Variants in ZNF723 observed in about 807,000 individuals in gnomAD.
ZNF723 encodes zinc finger protein 723, pseudogene.
A neutral mutation model predicts 9.4 loss-of-function variants in ZNF723; 5 were observed. The ratio of observed to expected loss-of-function variants is 0.53; its 90% CI spans 0.28 to 1.12. The LOEUF is 1.12. Ranked by LOEUF, ZNF723 falls within the 50% of genes most tolerant of loss-of-function variation. The pLI, the probability that ZNF723 is intolerant of heterozygous loss-of-function variation, is 0.10. For missense variants in ZNF723, 450 were observed against 501.5 expected (o/e 0.90, Z 0.98); for synonymous variants, 158 against 168.8 (o/e 0.94, Z 0.49).
chr19:22,839,878 A>AT (rs796318984), intron 1 of ZNF723, among the ~76,000 whole-genome samples: 1 of 151,732 alleles, frequency 6.6e-6, no homozygotes, highest in Admixed American at 6.6e-5. Flanking sequence ...AATGATGAGT[A>AT]TTTTTTTTCA....
chr19:22,850,394 C>T (rs1290520590), intron 3 of ZNF723, among the ~76,000 whole-genome samples: 1 of 147,936 alleles, frequency 6.8e-6, no homozygotes, highest in Admixed American at 6.8e-5. Context: ...TTTAGTAGAG[C>T]CGGGGTTTCA....
At chr19:22,819,681 T>C in the ZNF723 span, among the ~76,000 whole-genome samples, 1 of 152,240 alleles carries the variant, frequency 6.6e-6, no homozygotes, top group South Asian at 2.1e-4. Context: ...ACATATCTCT[T>C]GGCCTCTGAC....
intron 3 of ZNF723, among the ~76,000 whole-genome samples, chr19:22,853,902 T>C (rs1967432655): frequency 6.6e-6 from 1 of 152,008 alleles, no homozygotes; most frequent in South Asian, 2.1e-4. Context: ...GCTTGAGTCA[T>C]CACAACCGGC....
chr19:22,820,508 C>A, the ZNF723 span, among the ~76,000 whole-genome samples: 54 of 152,280 alleles, frequency 3.5e-4, 1 homozygote, highest in South Asian at 0.011. Context: ...TGTGACTCTC[C>A]TGCTTCCTTC....
At chr19:22,828,381 G>T (rs919750275), upstream of ZNF723, among the ~76,000 whole-genome samples, 20 of 152,308 alleles carry the variant, frequency 1.3e-4, 1 homozygote, top group African/African-American at 4.1e-4. Context: ...TTGGCGGGGG[G>T]TGGTGGCTCA....
intron 1 of ZNF723, among the ~76,000 whole-genome samples, chr19:22,845,889 C>CCTTTTTTTTTTTT (rs1967301363): frequency 8.0e-6 from 1 of 124,392 alleles, no homozygotes; most frequent in Non-Finnish European, 1.6e-5. Context: ...AAAAATATGC[C>CCTTTTTTTTTTTT]TTTTTTTTTT....
At chr19:22,831,093 G>GC (rs1488650178), upstream of ZNF723, among the ~76,000 whole-genome samples, 1 of 152,054 alleles carries the variant, frequency 6.6e-6, no homozygotes, top group Non-Finnish European at 1.5e-5. Context: ...CTATATCCAT[G>GC]CCCATTGCCA....
the ZNF723 span, among the ~76,000 whole-genome samples, chr19:22,820,440 TC>T: frequency 6.6e-6 from 1 of 152,106 alleles, no homozygotes; most frequent in South Asian, 2.1e-4. Flanking sequence ...TGACTCTTCT[TC>T]CGGGTCCCTT....
chr19:22,833,646 G>A (rs946564617), intron 1 of ZNF723, among the ~76,000 whole-genome samples: 2 of 151,144 alleles, frequency 1.3e-5, no homozygotes, highest in Non-Finnish European at 2.9e-5. Flanking sequence ...GTCTCACTCT[G>A]TTGCCCAGGC....
At chr19:22,847,871 C>T (rs561540376) in intron 1 of ZNF723, among the ~76,000 whole-genome samples, 11 of 152,098 alleles carry the variant, frequency 7.2e-5, no homozygotes, top group African/African-American at 1.4e-4. Context: ...GAGGCCAAGG[C>T]GGATGCATCA....
At chr19:22,818,479 G>A in the ZNF723 span, among the ~76,000 whole-genome samples, 1 of 152,122 alleles carries the variant, frequency 6.6e-6, no homozygotes, top group Non-Finnish European at 1.5e-5. Context: ...CTTCACCAAG[G>A]GGACACAGTT....
At chr19:22,851,194 T>C (rs1300862944) in intron 3 of ZNF723, among the ~76,000 whole-genome samples, 2 of 151,904 alleles carry the variant, frequency 1.3e-5, no homozygotes, top group Non-Finnish European at 2.9e-5. Flanking sequence ...TTTTTTGAGA[T>C]GGAGTCTTGC....
chr19:22,830,734 T>G (rs182344236), upstream of ZNF723, among the ~76,000 whole-genome samples: 1 of 152,106 alleles, frequency 6.6e-6, no homozygotes, highest in Admixed American at 6.6e-5. Flanking sequence ...CAGAATAATA[T>G]TGATTGTAAA....
At chr19:22,855,164 A>G (rs1967457887) in intron 3 of ZNF723, among the ~76,000 whole-genome samples, 1 of 151,734 alleles carries the variant, frequency 6.6e-6, no homozygotes, top group Non-Finnish European at 1.5e-5. Context: ...AGGAAATTTC[A>G]TTTTTATGTA....
the ZNF723 span, among the ~76,000 whole-genome samples, chr19:22,820,713 A>G: frequency 6.6e-6 from 1 of 152,224 alleles, no homozygotes; most frequent in Non-Finnish European, 1.5e-5. Flanking sequence ...GGTATAAAGC[A>G]GTTTGATGGG....
At chr19:22,825,763 T>C in the ZNF723 span, among the ~76,000 whole-genome samples, 1 of 152,196 alleles carries the variant, frequency 6.6e-6, no homozygotes, top group Admixed American at 6.5e-5. Context: ...CCTCTCCTGT[T>C]TGGCTTCTGC....
intron 3 of ZNF723, among the ~76,000 whole-genome samples, chr19:22,856,716 C>T (rs1035217683): frequency 3.3e-5 from 5 of 152,104 alleles, no homozygotes; most frequent in Non-Finnish European, 7.3e-5. Context: ...GAAACAGAAA[C>T]CAAGTGTCTG....
chr19:22,836,954 C>G (rs983361332), intron 1 of ZNF723, among the ~76,000 whole-genome samples: 1 of 151,984 alleles, frequency 6.6e-6, no homozygotes, highest in Non-Finnish European at 1.5e-5. Flanking sequence ...AGTTATTGAA[C>G]TTGAGGGAGA....
chr19:22,843,423 G>T (rs756416197), intron 1 of ZNF723, among the ~76,000 whole-genome samples: 1 of 152,118 alleles, frequency 6.6e-6, no homozygotes, highest in Non-Finnish European at 1.5e-5. Context: ...GACTTTGGTG[G>T]GTACCCAGAT....
Sources: allele counts gnomAD v4.1 joint callset (sites outside exome capture counted in the v4.1 genomes callset), GRCh38; gene constraint gnomAD v4.1.1; transcripts MANE v1.5; gene names NCBI Gene and HGNC (gene_info 2026-07-23, HGNC 2026-07-21).